Variants in CSMD1 observed in about 807,000 individuals in gnomAD.
The protein encoded by CSMD1 is CUB and sushi domain-containing protein 1.
CSMD1 carries 213 observed loss-of-function variants against 417.5 expected under a neutral mutation model. The ratio of observed to expected loss-of-function variants is 0.51; its 90% confidence interval spans 0.46 to 0.57. CSMD1 has a LOEUF of 0.57. Ranked by LOEUF, CSMD1 falls within the 20% of genes least tolerant of loss-of-function variation. CSMD1 has a pLI of 0.00. For synonymous variants in CSMD1, 2,862 were observed against 1,736.8 expected, an observed-to-expected ratio of 1.65 and a Z score of -16.11; for missense variants, 6,923 against 4,529.7, an observed-to-expected ratio of 1.53 and a Z score of -15.17.
intron 1 of CSMD1, among the ~76,000 whole-genome samples, chr8:4,754,360 T>C (rs1348899857): frequency 6.6e-6 from 1 of 152,216 alleles, no homozygotes; most frequent in Admixed American, 6.5e-5. Flanking sequence ...GCTACAGCGC[T>C]ATCCCACCCA....
intron 6 of CSMD1, among the ~76,000 whole-genome samples, chr8:3,710,177 T>A (rs906345522): frequency 6.6e-6 from 1 of 152,170 alleles, no homozygotes; most frequent in Non-Finnish European, 1.5e-5. Context: ...AGTTTTTTGT[T>A]TTTAATTGTC....
chr8:4,542,049 C>A (rs1200432761), intron 2 of CSMD1, among the ~76,000 whole-genome samples: 1 of 152,066 alleles, frequency 6.6e-6, no homozygotes, highest in African/African-American at 2.4e-5. Context: ...AGCCTGAAGT[C>A]CCCGTGTGCA....
In CSMD1 at chr8:4,831,938, G is replaced by A. The variant is rs922981270; in HGVS notation, c.85+162394C>T. The stretch of plus-strand genomic sequence containing the variant: ...CTCCCCTGAAAGCTGGGACCTTCGA[G>A]ATTTAAAATTTTTGTCTGGGAGAAA... On this transcript the variant is annotated intron_variant, in intron 1 of 69. Transcript: ENST00000635120. Among the ~76,000 whole-genome samples the A allele has an allele frequency of 3.1e-4, 47 of 152,232 alleles. 1 individual carries two copies. The highest frequency in any genetic ancestry group is 2.0e-4 in the Admixed American group (3 of 15,288).
At chr8:4,748,488 G>C (rs536749140) in intron 1 of CSMD1, among the ~76,000 whole-genome samples, 1 of 152,150 alleles carries the variant, frequency 6.6e-6, no homozygotes, top group Non-Finnish European at 1.5e-5. Flanking sequence ...CTGGCTGTGC[G>C]TCAGTTCCCA....
At chr8:4,290,071 G>C (rs1414891024) in intron 3 of CSMD1, among the ~76,000 whole-genome samples, 1 of 152,170 alleles carries the variant, frequency 6.6e-6, no homozygotes, top group Non-Finnish European at 1.5e-5. Context: ...ATTCAGCACG[G>C]TCTTTTTTAT....
intron 1 of CSMD1, among the ~76,000 whole-genome samples, chr8:4,722,298 G>A (rs1809109622): frequency 6.6e-6 from 1 of 151,794 alleles, no homozygotes; most frequent in South Asian, 2.1e-4. Flanking sequence ...GCAAGAAAGA[G>A]AAAAAAATTG....
rs369003580 is a variant in CSMD1, at chr8:3,061,432, T to C, written c.7475-8785A>G. Among the ~76,000 whole-genome samples the C allele has an allele frequency of 3.1e-3, 474 of 152,362 alleles. 2 individuals are homozygous for C. Among genetic ancestry groups the C allele is most frequent in the South Asian group, 8.7e-3 (42 of 4,830 alleles). ...AGAATATTTTTACTTTTCATCAGAA[T>C]GTTCGGGACATTTACCATCAAATGT... is the stretch of plus-strand genomic sequence containing the variant. On this transcript the variant is annotated intron_variant, in intron 49 of 69. Transcript: ENST00000635120.
intron 4 of CSMD1, among the ~76,000 whole-genome samples, chr8:4,018,291 T>C (rs536770716): frequency 1.3e-5 from 2 of 152,186 alleles, no homozygotes; most frequent in South Asian, 4.1e-4. Context: ...CTTTTGGGAT[T>C]ACAGTCTGTG....
At chr8:3,288,469 A>G (rs1803314110) in intron 25 of CSMD1, among the ~76,000 whole-genome samples, 1 of 146,938 alleles carries the variant, frequency 6.8e-6, no homozygotes, top group Admixed American at 6.7e-5. Flanking sequence ...TATTGCCTCA[A>G]TTTCAGACCC....
intron 1 of CSMD1, among the ~76,000 whole-genome samples, chr8:4,835,285 C>T (rs1348959711): frequency 6.6e-6 from 1 of 151,976 alleles, no homozygotes; most frequent in African/African-American, 2.4e-5. Flanking sequence ...ATACAAACAT[C>T]GTCGGAGATT....
At chr8:4,005,584 C>G (rs568262424) in intron 4 of CSMD1, among the ~76,000 whole-genome samples, 1 of 152,184 alleles carries the variant, frequency 6.6e-6, no homozygotes, top group Non-Finnish European at 1.5e-5. Flanking sequence ...GGACGTTCCA[C>G]ATGGTATTAT....
At chr8:4,246,602 G>A (rs981431956) in intron 3 of CSMD1, among the ~76,000 whole-genome samples, 1 of 152,304 alleles carries the variant, frequency 6.6e-6, no homozygotes, top group South Asian at 2.1e-4. Flanking sequence ...AATTTGATAT[G>A]ATGGGTCTAG....
Position 3,912,271 on chromosome 8 carries a change from AAAC to A in CSMD1, c.818+85629_818+85631del, listed in dbSNP as rs140267187. ...TGGGAAATATCACTAATTATTCAAA[AAAC>A]AATATACGGAGGGTGAATATTTTAT... On this transcript the variant is annotated intron_variant, in intron 5 of 69. Coordinates refer to ENST00000635120, the MANE Select transcript of CSMD1 (RefSeq NM_033225.6). Among the ~76,000 whole-genome samples the A allele has an allele frequency of 8.9e-4, 136 of 152,340 alleles. 1 individual carries two copies. Among genetic ancestry groups the A allele is most frequent in the African/African-American group, 2.8e-3 (116 of 41,568 alleles).
intron 5 of CSMD1, among the ~76,000 whole-genome samples, chr8:3,941,103 C>G (rs968408751): frequency 6.6e-6 from 1 of 151,552 alleles, no homozygotes; most frequent in African/African-American, 2.4e-5. Context: ...ATCATTTATG[C>G]TAGAAAATAA....
intron 40 of CSMD1, among the ~76,000 whole-genome samples, chr8:3,150,921 A>C (rs1819156338): frequency 6.6e-6 from 1 of 152,176 alleles, no homozygotes; most frequent in Admixed American, 6.5e-5. Context: ...TAAAAAAACA[A>C]CTTATTTATT....
At chr8:3,242,962 C>T (rs528739072) in intron 26 of CSMD1, among the ~76,000 whole-genome samples, 25 of 152,160 alleles carry the variant, frequency 1.6e-4, no homozygotes, top group African/African-American at 5.8e-4. Flanking sequence ...AGAGAGATGT[C>T]CCTGCAATGG....
intron 3 of CSMD1, among the ~76,000 whole-genome samples, chr8:4,281,447 A>C (rs376989361): frequency 2.0e-4 from 31 of 152,288 alleles, no homozygotes; most frequent in African/African-American, 4.6e-4. Context: ...CTTCAGAAGG[A>C]AACAATTTGA....
rs374808000 is a variant in CSMD1 at position 3,428,971 on chromosome 8, G to A, written c.1562-19366C>T. On this transcript the variant is annotated intron_variant, in intron 12 of 69. Transcript: ENST00000635120. Reference sequence around the variant, plus strand: ...AAGCACATCATCATCTCACTTTTACGGAGAACCTCAGAAAACTGATCTCAT... The same window carrying A: ...AAGCACATCATCATCTCACTTTTACAGAGAACCTCAGAAAACTGATCTCAT... 5.6e-4 allele frequency among the ~76,000 whole-genome samples: 85 copies of A among 152,184 alleles called. No individual in the cohort carries two copies. The South Asian group carries it at 0.016, about 29-fold the overall frequency.
intron 5 of CSMD1, among the ~76,000 whole-genome samples, chr8:3,892,864 A>G (rs1807077466): frequency 6.6e-6 from 1 of 151,972 alleles, no homozygotes; most frequent in African/African-American, 2.4e-5. Flanking sequence ...GGCCAGACAC[A>G]GAGCAGGTGA....
Sources: gnomAD v4.1 joint callset for allele counts (sites outside exome capture counted in the v4.1 genomes callset) on GRCh38, gnomAD v4.1.1 for gene constraint, MANE v1.5 for transcripts, NCBI Gene and HGNC (gene_info 2026-07-23, HGNC 2026-07-21) for gene names.